Variants in LIN54 observed in about 807,000 individuals in gnomAD.
LIN54 encodes the protein protein lin-54 homolog.
LIN54 carries 9 observed loss-of-function variants against 78.7 expected under a neutral mutation model. The ratio of observed to expected loss-of-function variants is 0.11; its 90% CI spans 0.07 to 0.20. LIN54 has a LOEUF of 0.20. Among genes scored for constraint, LIN54 ranks in the 10% least tolerant of loss-of-function variants. The pLI is 1.00. For synonymous variants in LIN54, 269 were observed against 318.4 expected, an observed-to-expected ratio of 0.84 and a Z score of 1.65; for missense variants, 573 against 889.9, an observed-to-expected ratio of 0.64 and a Z score of 4.53.
chr4:82,933,078 TACCAAAGGAAAAAATGGATG>T (rs1722102320), intron 11 of LIN54, among the ~76,000 whole-genome samples: 1 of 151,782 alleles, frequency 6.6e-6, no homozygotes, highest in Non-Finnish European at 1.5e-5. Context: ...AAATTCCACT[TACCAAAGGAAAAAATGGATG>T]TAAGTTTGTG....
chr4:83,000,829 T>TTTTTTC (rs950923009), intron 1 of LIN54, among the ~76,000 whole-genome samples: 9 of 144,530 alleles, frequency 6.2e-5, no homozygotes, highest in Non-Finnish European at 7.6e-5. Context: ...AATAAATTCT[T>TTTTTTC]TTTTTTTTTT....
chr4:82,999,437 T>C (rs1034231994), intron 1 of LIN54, among the ~76,000 whole-genome samples: 15 of 152,160 alleles, frequency 9.9e-5, no homozygotes, highest in African/African-American at 3.4e-4. Flanking sequence ...CTTGCACTTT[T>C]AGCAAATTAT....
rs1721626210 is a variant in LIN54, at chr4:82,928,066, C to G, written c.*36G>C. 1 of 1,578,370 alleles carries G rather than the reference C, an allele frequency of 6.3e-7. No homozygotes were observed. Among genetic ancestry groups the G allele is most frequent in the African/African-American group, 1.3e-5 (1 of 74,382 alleles). On this transcript the variant is annotated 3_prime_UTR_variant, in exon 13 of 13. Coordinates refer to ENST00000340417, the MANE Select transcript of LIN54 (RefSeq NM_194282.4). The stretch of plus-strand genomic sequence containing the variant: ...CAAGTGTCCCTGCACCTTAAATTTT[C>G]TGTACAGTTCCATTTATCAGTCTTT...
intron 4 of LIN54, among the ~76,000 whole-genome samples, chr4:82,953,729 C>T (rs1339758759): frequency 6.6e-6 from 1 of 152,210 alleles, no homozygotes; most frequent in Non-Finnish European, 1.5e-5. Context: ...GTGAGCAGAT[C>T]ACTTGAGCCA....
chr4:82,935,893 G>T (rs1722357992), intron 11 of LIN54, 88 bp downstream of exon 11: 2 of 1,324,904 alleles, frequency 1.5e-6, no homozygotes, highest in Admixed American at 1.7e-5. Flanking sequence ...ATAGCAAGGT[G>T]ATTTCCCAAT....
At chr4:82,949,173 A>G (rs1345516784) in intron 4 of LIN54, among the ~76,000 whole-genome samples, 2 of 152,124 alleles carry the variant, frequency 1.3e-5, no homozygotes, top group African/African-American at 4.8e-5. Context: ...CCTCACCAAC[A>G]TTTATTATGT....
intron 4 of LIN54, among the ~76,000 whole-genome samples, chr4:82,952,857 C>A (rs1578530272): frequency 6.6e-6 from 1 of 152,000 alleles, no homozygotes; most frequent in Non-Finnish European, 1.5e-5. Context: ...GTAAAATATG[C>A]CCATCACAAA....
At chr4:82,954,848 C>A (rs1384558204) in intron 4 of LIN54, among the ~76,000 whole-genome samples, 1 of 152,172 alleles carries the variant, frequency 6.6e-6, no homozygotes, top group African/African-American at 2.4e-5. Flanking sequence ...AGACCTTACA[C>A]CTTTCACATA....
chr4:82,928,418 G>C, intron 12 of LIN54, 115 bp from the exon 13 acceptor site: 2 of 831,290 alleles, frequency 2.4e-6, no homozygotes, highest in Admixed American at 4.0e-5. Context: ...CCAGCAGGAT[G>C]AGCATCACAA....
At chr4:82,941,149 G>GATATATATATAGATATATATATATATAT (rs1553947747) in intron 5 of LIN54, among the ~76,000 whole-genome samples, 4 of 131,138 alleles carry the variant, frequency 3.1e-5, no homozygotes, top group African/African-American at 1.2e-4. Context: ...GAGTTAAGAG[G>GATATATATATAGATATATATATATATAT]ATATATATAT....
In LIN54 at chr4:82,983,623, T is replaced by C. The variant is rs145642818; in HGVS notation, c.684+538A>G. ...TGGTACAACTCTAAAGCCTGTATGT[T>C]ATCTTCCATCACATGTCACTGTCTT... On this transcript the variant is annotated intron_variant, in intron 2 of 12. Transcript: ENST00000340417. Among the ~76,000 whole-genome samples the C allele has an allele frequency of 6.8e-3, 1,032 of 152,310 alleles. 5 individuals carry two copies. The highest frequency in any genetic ancestry group is 0.012 in the Non-Finnish European group (791 of 68,024).
intron 2 of LIN54, among the ~76,000 whole-genome samples, chr4:82,980,601 A>C (rs896548199): frequency 1.4e-4 from 21 of 152,258 alleles, no homozygotes; most frequent in African/African-American, 5.1e-4. Context: ...GTATTTAAAA[A>C]CGGCCGACTT....
chr4:82,951,819 C>G (rs1038348483), intron 4 of LIN54, among the ~76,000 whole-genome samples: 4 of 151,884 alleles, frequency 2.6e-5, no homozygotes, highest in African/African-American at 9.7e-5. Context: ...AAAAAAAAAT[C>G]CCATTTATGA....
At chr4:82,952,869 A>G (rs1723953938) in intron 4 of LIN54, among the ~76,000 whole-genome samples, 2 of 152,254 alleles carry the variant, frequency 1.3e-5, no homozygotes, top group South Asian at 4.1e-4. Context: ...CATCACAAAA[A>G]GACAAATATT....
At chr4:82,940,135 C>A (rs980020405) in intron 5 of LIN54, among the ~76,000 whole-genome samples, 173 bp from the exon 6 acceptor site, 1 of 152,178 alleles carries the variant, frequency 6.6e-6, no homozygotes, top group Non-Finnish European at 1.5e-5. Context: ...AAATTGCTTA[C>A]CCCATCTACC....
chr4:82,986,411 C>T (rs1727139578), intron 1 of LIN54, among the ~76,000 whole-genome samples: 1 of 152,134 alleles, frequency 6.6e-6, no homozygotes, highest in Non-Finnish European at 1.5e-5. Context: ...GCCACCATGC[C>T]CGGCCCCCTT....
chr4:83,001,717 G>A lies in LIN54; in HGVS notation c.-33+8767C>T, dbSNP rs574360130. 1.1e-3 allele frequency among the ~76,000 whole-genome samples: 160 copies of A among 149,042 alleles called. 1 individual carries two copies. The highest frequency in any genetic ancestry group is 3.9e-3 in the African/African-American group (155 of 40,124). On this transcript the variant is annotated intron_variant, in intron 1 of 12. Coordinates refer to ENST00000340417, the MANE Select transcript of LIN54 (RefSeq NM_194282.4). ...AAAAAAATTAGCTGGGCGTGGTGGC[G>A]GGCGCCTGTTGTCCCAGCTACCAGG...
intron 3 of LIN54, among the ~76,000 whole-genome samples, chr4:82,974,557 T>C (rs904707180): frequency 5.3e-5 from 8 of 151,602 alleles, no homozygotes; most frequent in African/African-American, 1.9e-4. Flanking sequence ...GCCAACGTGG[T>C]GAAACACCAT....
At chr4:82,936,474 A>ATGTAGTATGT in intron 9 of LIN54, 93 bp from the exon 10 acceptor site, 3 of 619,334 alleles carry the variant, frequency 4.8e-6, no homozygotes, top group Non-Finnish European at 8.4e-6. Flanking sequence ...TTGTACACAT[A>ATGTAGTATGT]CTACATATGT....
Sources: allele counts gnomAD v4.1 joint callset (sites outside exome capture counted in the v4.1 genomes callset), GRCh38; gene constraint gnomAD v4.1.1; transcripts MANE v1.5; gene names NCBI Gene and HGNC (gene_info 2026-07-23, HGNC 2026-07-21).